TRMT61B: variants seen among roughly 807,000 people sequenced by gnomAD.
The protein encoded by TRMT61B is tRNA methyltransferase 61B.
In TRMT61B, 56 loss-of-function variants were observed where a neutral mutation model predicts 52.0. The observed-to-expected ratio is 1.08, with a 90% CI of 0.87 to 1.35. The LOEUF (loss-of-function observed/expected upper bound fraction) is 1.35. Ranked by LOEUF, TRMT61B falls within the 40% of genes most tolerant of loss-of-function variation. TRMT61B has a pLI of 0.00. For synonymous variants in TRMT61B, 206 were observed against 220.0 expected, an observed-to-expected ratio of 0.94 and a Z score of 0.56; for missense variants, 650 against 577.9, an observed-to-expected ratio of 1.12 and a Z score of -1.28.
At position 28,850,385 on chromosome 2, in the gene TRMT61B, G is replaced by GTCT; in HGVS notation, c.1332_1333insAGA (p.Phe444_Pro445insArg). On this transcript the variant is annotated inframe_insertion, in exon 6 of 7. Coordinates refer to ENST00000306108, the MANE Select transcript of TRMT61B (RefSeq NM_017910.4). ...GCAACATAGGGAAATGATCCATATGGAAAATCAGAATGCGATTCTTCTGTT... is the reference window on the plus strand; with the variant it reads ...GCAACATAGGGAAATGATCCATATGGTCTAAAATCAGAATGCGATTCTTCTGTT... 6.2e-7 allele frequency: 1 copy of GTCT among 1,606,420 alleles called. No homozygotes were observed. The highest frequency in any genetic ancestry group is 8.5e-7 in the Non-Finnish European group (1 of 1,175,998).
At position 28,869,971 on chromosome 2, in the gene TRMT61B, C is replaced by A. The variant is rs748582525; in HGVS notation, c.307G>T (p.Glu103Ter). The change falls in exon 1 of 7, where the codon GAG becomes TAG. Residue 103 changes from glutamate to a stop codon, truncating the protein, a stop_gained. Coordinates refer to ENST00000306108, the MANE Select transcript of TRMT61B (RefSeq NM_017910.4). LOFTEE classifies it high-confidence loss of function. ...LREESSPREL[E>*]DSSGDQGRCG... The stretch of plus-strand genomic sequence containing the variant: ...CGGCCCTGGTCTCCGCTCGAGTCCT[C>A]GAGCTCTCGAGGGGATGACTCTTCC... The A allele has an allele frequency of 3.1e-5, 50 of 1,613,718 alleles. No homozygotes were observed. Among genetic ancestry groups the A allele is most frequent in the Non-Finnish European group, 4.2e-5 (49 of 1,180,040 alleles).
intron 3 of TRMT61B, among the ~76,000 whole-genome samples, chr2:28,858,168 G>C (rs1669428484): frequency 6.6e-6 from 1 of 151,196 alleles, no homozygotes; most frequent in African/African-American, 2.4e-5. Context: ...AGCCTCCCCA[G>C]TAGCTGGGAC....
At chr2:28,853,948 A>G (rs1274470014) in intron 3 of TRMT61B, among the ~76,000 whole-genome samples, 1 of 152,246 alleles carries the variant, frequency 6.6e-6, no homozygotes, top group African/African-American at 2.4e-5. Flanking sequence ...AAATTTTTCA[A>G]ATAAAAAATT....
At chr2:28,855,106 CAGGT>C (rs1344309628) in intron 3 of TRMT61B, among the ~76,000 whole-genome samples, 5 of 152,198 alleles carry the variant, frequency 3.3e-5, no homozygotes, top group Middle Eastern at 3.4e-3. Flanking sequence ...TACAAACACT[CAGGT>C]AGTAGGCTAC....
chr2:28,853,404 G>A (rs1233455163), intron 3 of TRMT61B, among the ~76,000 whole-genome samples: 1 of 152,048 alleles, frequency 6.6e-6, no homozygotes, highest in African/African-American at 2.4e-5. Context: ...TTGAACTCCT[G>A]GATTCAAGCG....
chr2:28,852,366 C>T (rs777828996), intron 4 of TRMT61B, 42 bp downstream of exon 4: 12 of 1,087,076 alleles, frequency 1.1e-5, no homozygotes, highest in Non-Finnish European at 1.5e-5. Context: ...CAAAAGTGCA[C>T]TTAAAAGTTA....
chr2:28,862,864 TTGTGTGTGTGTG>T (rs34139201), intron 2 of TRMT61B, among the ~76,000 whole-genome samples: 31 of 144,032 alleles, frequency 2.2e-4, no homozygotes, highest in Middle Eastern at 3.6e-3. Flanking sequence ...GTATTTGTAT[TTGTGTGTGTGTG>T]TGTGTGTGTG....
chr2:28,851,878 C>CAAAAAAA (rs1162566474), intron 4 of TRMT61B, among the ~76,000 whole-genome samples: 4 of 18,242 alleles, frequency 2.2e-4, no homozygotes, highest in Non-Finnish European at 3.0e-4. Flanking sequence ...GACTCTGTCT[C>CAAAAAAA]AAAAAAAAAA....
At chr2:28,863,430 CAAA>C (rs61373068) in intron 2 of TRMT61B, among the ~76,000 whole-genome samples, 2 of 119,584 alleles carry the variant, frequency 1.7e-5, no homozygotes, top group African/African-American at 3.2e-5. Flanking sequence ...GAACCCGCCT[CAAA>C]AAAAAAAAAA....
At chr2:28,858,262 G>C (rs1179618817) in intron 3 of TRMT61B, among the ~76,000 whole-genome samples, 4 of 151,974 alleles carry the variant, frequency 2.6e-5, no homozygotes, top group Non-Finnish European at 4.4e-5. Context: ...GGATGGTCTT[G>C]ATCTCCTGGC....
chr2:28,851,043 T>C, intron 5 of TRMT61B, 29 bp downstream of exon 5: 1 of 1,448,060 alleles, frequency 6.9e-7, no homozygotes, highest in Non-Finnish European at 9.5e-7. Flanking sequence ...CATTCATTAC[T>C]GCATGCATAA....
intron 4 of TRMT61B, 22 bp downstream of exon 4, chr2:28,852,386 G>T: frequency 4.7e-6 from 6 of 1,268,950 alleles, no homozygotes; most frequent in South Asian, 1.5e-5. Context: ...ACATTACAAA[G>T]AAAAACAGTT....
intron 1 of TRMT61B, among the ~76,000 whole-genome samples, chr2:28,868,324 T>A (rs1057267611): frequency 6.6e-6 from 1 of 152,216 alleles, no homozygotes; most frequent in Non-Finnish European, 1.5e-5. Context: ...CTTCCTTATT[T>A]AGGTTTCCTA....
At chr2:28,857,241 AT>A (rs35671202) in intron 3 of TRMT61B, among the ~76,000 whole-genome samples, 12 of 150,362 alleles carry the variant, frequency 8.0e-5, no homozygotes, top group Non-Finnish European at 1.0e-4. Context: ...GCCCACAGCT[AT>A]TTTTTTTTTA....
chr2:28,866,900 A>G (rs1287507120), intron 1 of TRMT61B, among the ~76,000 whole-genome samples: 3 of 152,118 alleles, frequency 2.0e-5, no homozygotes, highest in Admixed American at 6.5e-5. Context: ...GGCTCAAGCA[A>G]TCCTCCTACC....
At chr2:28,858,794 CAAAA>C (rs1033258916) in intron 3 of TRMT61B, among the ~76,000 whole-genome samples, 9 of 23,594 alleles carry the variant, frequency 3.8e-4, no homozygotes, top group South Asian at 6.4e-3. Context: ...GACTCCGTCT[CAAAA>C]AAAAAAAAAA....
intron 1 of TRMT61B, among the ~76,000 whole-genome samples, chr2:28,869,235 CTT>C (rs1174539402): frequency 6.6e-6 from 1 of 152,142 alleles, no homozygotes; most frequent in African/African-American, 2.4e-5. Flanking sequence ...TCAACATTCT[CTT>C]GAGTCCTGAA....
rs184035626 is a variant in TRMT61B, at chr2:28,866,333, G to A, written c.700-1214C>T. 3.0e-3 allele frequency among the ~76,000 whole-genome samples: 455 copies of A among 152,236 alleles called. 3 individuals are homozygous for A. Among genetic ancestry groups the A allele is most frequent in the African/African-American group, 0.01 (428 of 41,550 alleles). On this transcript the variant is annotated intron_variant, in intron 1 of 6. Coordinates refer to ENST00000306108, the MANE Select transcript of TRMT61B (RefSeq NM_017910.4). ...TTTAGAATTAAGATACTATATAACA[G>A]CGGTCCCCAACCTTTTGGGCACTAG...
intron 3 of TRMT61B, among the ~76,000 whole-genome samples, chr2:28,857,500 G>A (rs1465862832): frequency 6.6e-6 from 1 of 152,036 alleles, no homozygotes; most frequent in Non-Finnish European, 1.5e-5. Flanking sequence ...GAGAAAAGAG[G>A]AAAGGAAGAA....
Sources: allele counts gnomAD v4.1 joint callset (sites outside exome capture counted in the v4.1 genomes callset), GRCh38; gene constraint gnomAD v4.1.1; transcripts MANE v1.5; gene names NCBI Gene and HGNC (gene_info 2026-07-23, HGNC 2026-07-21).